Variants in FAM219A observed in about 807,000 individuals in gnomAD.
FAM219A encodes family with sequence similarity 219 member A, also known as protein FAM219A.
Under a neutral mutation model 23.4 loss-of-function variants are expected in FAM219A, and 7 were observed. The ratio of observed to expected loss-of-function variants is 0.30; its 90% confidence interval spans 0.17 to 0.56. The LOEUF (loss-of-function observed/expected upper bound fraction) is 0.56, where lower values mean the gene tolerates loss of function less well. FAM219A is among the 20% of genes least tolerant of loss of function. FAM219A has a pLI of 0.92. For missense variants in FAM219A, 166 were observed against 246.9 expected (o/e 0.67, Z 2.20); for synonymous variants, 93 against 99.0 (o/e 0.94, Z 0.36).
chr9:34,421,459 A>G (rs1822281583), intron 1 of FAM219A, among the ~76,000 whole-genome samples: 1 of 152,102 alleles, frequency 6.6e-6, no homozygotes, highest in Non-Finnish European at 1.5e-5. Context: ...CTGCAGGCTC[A>G]GGGCAGTAGA....
intron 1 of FAM219A, among the ~76,000 whole-genome samples, chr9:34,448,981 C>A (rs2132015936): frequency 7.4e-6 from 1 of 134,342 alleles, no homozygotes; most frequent in East Asian, 2.0e-4. Context: ...CACCTGTTCC[C>A]CAAAAACTAT....
At position 34,400,124 on chromosome 9, in the gene FAM219A, T is replaced by C. The variant is rs1821365530; in HGVS notation, c.*840A>G. The C allele has an allele frequency of 7.3e-6, 1 of 137,750 alleles. No individual in the cohort carries two copies. The highest frequency in any genetic ancestry group is 1.5e-5 in the Non-Finnish European group (1 of 64,654). The allele number at this position is 137,750 out of a possible 1,614,324, so 8.5% of individuals were successfully genotyped here. On this transcript the variant is annotated 3_prime_UTR_variant, in exon 6 of 6. Coordinates refer to ENST00000651358, the MANE Select transcript of FAM219A (RefSeq NM_001184940.2). ...ACGTCTTGGGCTGGGGTGAGGGGAATGGGCCATTGGAGTCCAGCCTTACTC... is the reference window on the plus strand; with the variant it reads ...ACGTCTTGGGCTGGGGTGAGGGGAACGGGCCATTGGAGTCCAGCCTTACTC...
rs936638022 is a variant in FAM219A at position 34,457,171 on chromosome 9, A to T, written c.60+1033T>A. ...CCTTGCCTCCTTCCAATTCCAGCTCAGGCTCCAGGGGGATAAAGCGAACAC... is the reference window on the plus strand; with the variant it reads ...CCTTGCCTCCTTCCAATTCCAGCTCTGGCTCCAGGGGGATAAAGCGAACAC... On this transcript the variant is annotated intron_variant, in intron 1 of 5. Transcript: ENST00000651358. The surrounding 1 kb of genome is among the most constrained non-coding windows in gnomAD (Gnocchi z 5.1). Among the ~76,000 whole-genome samples, 3 of 152,170 alleles carry T rather than the reference A, an allele frequency of 2.0e-5. No individual in the cohort carries two copies. Among genetic ancestry groups the T allele is most frequent in the Non-Finnish European group, 4.4e-5 (3 of 68,018 alleles).
chr9:34,411,349 T>G (rs1282185968), intron 1 of FAM219A, among the ~76,000 whole-genome samples: 1 of 151,010 alleles, frequency 6.6e-6, no homozygotes, highest in Non-Finnish European at 1.5e-5. Flanking sequence ...GGAGTTCAAG[T>G]CCAGTCTGCG....
At position 34,458,239 on chromosome 9, in the gene FAM219A, G is replaced by T; in HGVS notation, c.25C>A (p.Gln9Lys). 6.3e-7 allele frequency: 1 copy of T among 1,589,140 alleles called. No homozygotes were observed. Among genetic ancestry groups the T allele is most frequent in the East Asian group, 2.3e-5 (1 of 42,818 alleles). ...ATCTCCGAGTGCGCGGTGGGCACCTGGAACCGGTCGATCTCCTCCATCATG... is the reference window on the plus strand; with the variant it reads ...ATCTCCGAGTGCGCGGTGGGCACCTTGAACCGGTCGATCTCCTCCATCATG... MMEEIDRF[Q>K]VPTAHSEMQP... The change falls in exon 1 of 6, where the codon CAG becomes AAG. Residue 9 changes from glutamine to lysine, a missense_variant. Around this residue, in one of 3 missense-constraint regions of FAM219A, gnomAD observed 5 missense variants for 17.1 expected, o/e 0.29. Coordinates refer to ENST00000651358, the MANE Select transcript of FAM219A (RefSeq NM_001184940.2). The surrounding 1 kb of genome is among the most constrained non-coding windows in gnomAD (Gnocchi z 6.6).
At chr9:34,429,317 G>C (rs886532097) in intron 1 of FAM219A, among the ~76,000 whole-genome samples, 1 of 152,190 alleles carries the variant, frequency 6.6e-6, no homozygotes, top group African/African-American at 2.4e-5. Context: ...GTCTCAAAAG[G>C]AAGAGGGCCT....
intron 1 of FAM219A, among the ~76,000 whole-genome samples, chr9:34,429,509 A>G (rs1323985965): frequency 6.6e-6 from 1 of 152,138 alleles, no homozygotes; most frequent in African/African-American, 2.4e-5. Context: ...TCAACCAGAA[A>G]ATTTAATCCC....
At chr9:34,408,978 G>T (rs1281251546) in intron 1 of FAM219A, among the ~76,000 whole-genome samples, 3 of 152,256 alleles carry the variant, frequency 2.0e-5, no homozygotes, top group African/African-American at 7.2e-5. Context: ...TTCACAGGAA[G>T]GACAGGGCTA....
chr9:34,403,027 CT>C (rs992163018), intron 2 of FAM219A, among the ~76,000 whole-genome samples: 34 of 152,160 alleles, frequency 2.2e-4, no homozygotes, highest in Admixed American at 6.5e-4. Flanking sequence ...AGGCTGCCCC[CT>C]GTTTTTCAGG....
intron 1 of FAM219A, among the ~76,000 whole-genome samples, chr9:34,421,553 G>A (rs187128072): frequency 1.3e-5 from 2 of 152,110 alleles, no homozygotes; most frequent in East Asian, 3.9e-4. Context: ...TCAATAGGAA[G>A]GGGTACCACC....
At position 34,435,059 on chromosome 9, in the gene FAM219A, G is replaced by A. The variant is rs183638182; in HGVS notation, c.60+23145C>T. ...TGGTCTTGAACTCCTGAGCTCAAGT[G>A]ATCTGCCTGCCTCAGCCTCCCAAAG... On this transcript the variant is annotated intron_variant, in intron 1 of 5. Transcript: ENST00000651358. 2.1e-3 allele frequency among the ~76,000 whole-genome samples: 320 copies of A among 152,304 alleles called. 2 individuals carry two copies. The highest frequency in any genetic ancestry group is 6.9e-3 in the African/African-American group (288 of 41,568).
intron 1 of FAM219A, among the ~76,000 whole-genome samples, chr9:34,410,659 G>C (rs1381809309): frequency 6.6e-6 from 1 of 152,164 alleles, no homozygotes. Flanking sequence ...CAGACATATG[G>C]CTTGGATGGG....
intron 1 of FAM219A, among the ~76,000 whole-genome samples, chr9:34,443,334 T>C (rs1823253239): frequency 6.6e-6 from 1 of 152,038 alleles, no homozygotes; most frequent in East Asian, 1.9e-4. Flanking sequence ...CCTCTACACG[T>C]CCCCCAGCCC....
rs149534418 is a variant in FAM219A, at chr9:34,432,751, T to G, written c.60+25453A>C. Among the ~76,000 whole-genome samples the G allele has an allele frequency of 2.1e-3, 325 of 152,360 alleles. 2 individuals carry two copies. Among genetic ancestry groups the G allele is most frequent in the African/African-American group, 7.0e-3 (293 of 41,584 alleles). ...TCACGTTCCTCCCCCAGCCTCGTTC[T>G]GCCTTTTAACTATCTGTATCTTGTT... On this transcript the variant is annotated intron_variant, in intron 1 of 5. Transcript: ENST00000651358.
At position 34,458,380 on chromosome 9, in the gene FAM219A, C is replaced by T; in HGVS notation, c.-117G>A. The T allele has an allele frequency of 1.5e-6, 1 of 652,008 alleles. No homozygotes were observed. 40.4% of individuals were successfully genotyped at this position (652,008 alleles called of 1,614,324 possible). On this transcript the variant is annotated 5_prime_UTR_variant, in exon 1 of 6. In the 5' UTR this introduces an upstream ATG that the reference lacks. Coordinates refer to ENST00000651358, the MANE Select transcript of FAM219A (RefSeq NM_001184940.2). This position sits in a 1 kb window ranked among gnomAD's most constrained non-coding sequence, Gnocchi z 6.6. The stretch of plus-strand genomic sequence containing the variant: ...GTGCAGACTAGGCCTCCCCGGACCA[C>T]TCGGGCGGGCAGGGGCCGGGCGGAT...
At chr9:34,438,521 G>GT (rs199544928) in intron 1 of FAM219A, among the ~76,000 whole-genome samples, 3,164 of 152,262 alleles carry the variant, frequency 0.021, 91 homozygotes, top group East Asian at 0.12. Context: ...TGGACACTCT[G>GT]TATCTATCTA....
chr9:34,439,070 C>T (rs944702502), intron 1 of FAM219A, among the ~76,000 whole-genome samples: 12 of 152,070 alleles, frequency 7.9e-5, no homozygotes, highest in South Asian at 2.1e-4. Context: ...ACACTCACCG[C>T]GAAGGTCTGC....
At chr9:34,447,112 G>GTCA (rs1823403690) in intron 1 of FAM219A, among the ~76,000 whole-genome samples, 1 of 152,298 alleles carries the variant, frequency 6.6e-6, no homozygotes, top group African/African-American at 2.4e-5. Context: ...GAGAATAAGA[G>GTCA]TCACATGACA....
chr9:34,437,973 C>G (rs59580047), intron 1 of FAM219A, among the ~76,000 whole-genome samples: 3,174 of 152,332 alleles, frequency 0.021, 93 homozygotes, highest in East Asian at 0.12. Context: ...TTGCGGGCCA[C>G]CTGGAGTTCC....
Sources: allele counts gnomAD v4.1 joint callset (sites outside exome capture counted in the v4.1 genomes callset), GRCh38; gene constraint gnomAD v4.1.1; regional missense constraint gnomAD v4.1.1; non-coding constraint Gnocchi (gnomAD v3.1); transcripts MANE v1.5; gene names NCBI Gene and HGNC (gene_info 2026-07-23, HGNC 2026-07-21).